The following MUC22 variants were observed in gnomAD, a reference collection of about 807,000 sequenced individuals.
MUC22 encodes the protein mucin-22.
A neutral mutation model predicts 40.3 loss-of-function variants in MUC22; 24 were observed. The ratio of observed to expected loss-of-function variants is 0.60; its 90% CI spans 0.43 to 0.84. The LOEUF (loss-of-function observed/expected upper bound fraction) is 0.84. Ranked by LOEUF, MUC22 falls within the 40% of genes least tolerant of loss-of-function variation. The probability of loss-of-function intolerance (pLI) is 0.00; values close to 1 mark genes in which losing one functional copy is unlikely to be tolerated. For missense variants in MUC22, 1,926 were observed against 2,130.7 expected (o/e 0.90, Z 1.89); for synonymous variants, 765 against 844.5 (o/e 0.91, Z 1.63).
At chr6:31,017,906 C>T (rs2150755027) in intron 1 of MUC22, among the ~76,000 whole-genome samples, 1 of 149,202 alleles carries the variant, frequency 6.7e-6, no homozygotes, top group Middle Eastern at 3.4e-3. Flanking sequence ...AATATTGCTG[C>T]TGCTCACTCT....
chr6:31,010,708 T>C (rs1381852050), exon 1 of MUC22: 2 of 702,620 alleles, frequency 2.8e-6, no homozygotes, highest in Admixed American at 2.0e-5. Context: ...CATTTAGAGA[T>C]GAGAAGAGGA....
chr6:31,032,010 C>T lies in MUC22; in HGVS notation c.4670-186C>T, dbSNP rs1004612311. ...TCTACCTCCTTCTCTGTATGACACCCACCTGCATTCTGGGGACATGGCCAC... is the reference window on the plus strand; with the variant it reads ...TCTACCTCCTTCTCTGTATGACACCTACCTGCATTCTGGGGACATGGCCAC... On this transcript the variant is annotated intron_variant, in intron 2 of 3. Transcript: ENST00000561890. The surrounding 1 kb of genome is among the most constrained non-coding windows in gnomAD (Gnocchi z 4.1). Among the ~76,000 whole-genome samples the T allele has an allele frequency of 6.6e-6, 1 of 152,180 alleles. No homozygotes were observed. The highest frequency in any genetic ancestry group is 2.4e-5 in the African/African-American group (1 of 41,444).
At chr6:31,034,565 G>A in intron 3 of MUC22, 107 bp from the exon 4 acceptor site, 1 of 872,806 alleles carries the variant, frequency 1.1e-6, no homozygotes, top group Non-Finnish European at 1.7e-6. Context: ...GAGAACATGG[G>A]CAGTTTGGAA....
At chr6:31,005,981 C>T (rs1476047405), upstream of MUC22, 109 of 204,276 alleles carry the variant, frequency 5.3e-4, 1 homozygote, top group Non-Finnish European at 1.0e-5. Flanking sequence ...GTGGCAGGCA[C>T]CTGTAGTCCC....
upstream of MUC22, among the ~76,000 whole-genome samples, chr6:31,010,269 C>A (rs1210035407): frequency 1.3e-5 from 2 of 152,138 alleles, no homozygotes; most frequent in African/African-American, 4.8e-5. Flanking sequence ...CATTCTGCCT[C>A]CCTCCCTGCC....
exon 4 of MUC22, chr6:31,034,878 C>A: frequency 6.5e-7 from 1 of 1,535,488 alleles, no homozygotes; most frequent in Non-Finnish European, 8.7e-7. Context: ...TGAGCCACAT[C>A]CATGGAGATG....
At chr6:31,025,571 C>T in exon 2 of MUC22, 1 of 1,526,180 alleles carries the variant, frequency 6.6e-7, no homozygotes, top group Non-Finnish European at 8.8e-7. Flanking sequence ...GGCTCTGAGA[C>T]CACCATGGCC....
exon 2 of MUC22, chr6:31,026,442 C>A (rs1196747551): frequency 6.6e-7 from 1 of 1,507,396 alleles, no homozygotes; most frequent in Non-Finnish European, 8.9e-7. Context: ...GCTCTGGGAC[C>A]ACCACAGCTT....
Position 31,032,300 on chromosome 6 carries a change from G to C in MUC22, c.4774G>C (p.Val1592Leu). The change falls in exon 3 of 4, where the codon GTC (valine) becomes CTC (leucine). Residue 1592 changes from valine (V) to leucine (L), a missense_variant. Physicochemically the swap from Val to Leu is conservative, Grantham distance 32. This residue lies in a region of MUC22 where 610 missense variants were observed against 714.6 expected (regional missense o/e 0.85). Coordinates refer to ENST00000561890, the Ensembl canonical transcript of MUC22. The surrounding 1 kb of genome is among the most constrained non-coding windows in gnomAD (Gnocchi z 4.1). ...TGCCAGCCATACTGTGCCAGGAATA[G>C]TCTTAAACACCTCTGGCCTGGGTAC... The C allele has an allele frequency of 8.5e-6, 13 of 1,535,630 alleles. No individual in the cohort carries two copies. Among genetic ancestry groups the C allele is most frequent in the Non-Finnish European group, 1.1e-5 (13 of 1,146,886 alleles).
At position 31,032,235 on chromosome 6, in the gene MUC22, C is replaced by G. The variant is rs143201933; in HGVS notation, c.4709C>G (p.Ser1570Cys). 5,418 of 1,535,612 alleles carry G rather than the reference C, an allele frequency of 3.5e-3. 18 individuals are homozygous for G. Among genetic ancestry groups the G allele is most frequent in the Non-Finnish European group, 4.4e-3 (5,095 of 1,146,844 alleles). ...GGAACCAGACTCACTGCCTCCAGCT[C>G]TGTCACCATGGCCCCTGGAATGGAC... The change falls in exon 3 of 4, where the codon TCT becomes TGT. Residue 1570 changes from serine to cysteine, a missense_variant. Transcript: ENST00000561890. The surrounding 1 kb of genome is among the most constrained non-coding windows in gnomAD (Gnocchi z 4.1).
At chr6:31,033,915 C>T (rs1049609656) in intron 3 of MUC22, among the ~76,000 whole-genome samples, 3 of 152,138 alleles carry the variant, frequency 2.0e-5, no homozygotes, top group African/African-American at 4.8e-5. Flanking sequence ...AGCCTCTCTC[C>T]GTATGTGGAC....
At chr6:31,034,564 G>T in intron 3 of MUC22, 108 bp from the exon 4 acceptor site, 1 of 860,834 alleles carries the variant, frequency 1.2e-6, no homozygotes, top group South Asian at 1.8e-5. Context: ...AGAGAACATG[G>T]GCAGTTTGGA....
chr6:31,009,505 T>G (rs543614090), upstream of MUC22, among the ~76,000 whole-genome samples: 28 of 152,360 alleles, frequency 1.8e-4, 1 homozygote, highest in South Asian at 5.0e-3. Context: ...ATTTTGACTT[T>G]AATCATCATC....
rs1289095492 is a variant in MUC22 at position 31,034,838 on chromosome 6, A to G, written c.5222A>G (p.His1741Arg). 3 of 1,535,552 alleles carry G rather than the reference A, an allele frequency of 2.0e-6. No individual in the cohort carries two copies. In the East Asian group the frequency reaches 7.3e-5, roughly 38 times the overall value. Residue 1741 changes from histidine (H) to arginine (R), a missense_variant, in exon 4 of 4, where the codon CAC becomes CGC. By Grantham distance (29) the His-to-Arg change is conservative. Transcript: ENST00000561890. ...CTTGAAATGGGACATGGAGGAACAC[A>G]CGGCTTTGGATATGGAGTGGGCCAT...
At chr6:31,026,571 T>A in exon 2 of MUC22, 1 of 1,496,502 alleles carries the variant, frequency 6.7e-7, no homozygotes, top group Non-Finnish European at 8.9e-7. Context: ...CCACAAACTC[T>A]ACTACAAGCT....
intron 3 of MUC22, among the ~76,000 whole-genome samples, chr6:31,033,529 C>T (rs1766230760): frequency 6.6e-6 from 1 of 152,190 alleles, no homozygotes. Flanking sequence ...ATTTTTCTTA[C>T]ATCGATTTCA....
At chr6:31,029,995 G>T (rs1276228347) in exon 2 of MUC22, 1 of 1,535,748 alleles carries the variant, frequency 6.5e-7, no homozygotes, top group South Asian at 1.2e-5. Context: ...CTCTATCACA[G>T]CTTCTGGGGC....
chr6:31,023,782 G>A (rs6903912), intron 1 of MUC22, among the ~76,000 whole-genome samples: 41,477 of 152,010 alleles, frequency 0.27, 6,066 homozygotes, highest in African/African-American at 0.38. Flanking sequence ...CATCAATTTA[G>A]AAAAAAATTG....
At chr6:31,028,806 C>A (rs988341302) in exon 2 of MUC22, 1 of 1,532,808 alleles carries the variant, frequency 6.5e-7, no homozygotes, top group Non-Finnish European at 8.7e-7. Context: ...GCTCTGAGAC[C>A]ACTACAGCCA....
Sources: gnomAD v4.1 joint callset for allele counts (sites outside exome capture counted in the v4.1 genomes callset) on GRCh38, gnomAD v4.1.1 for gene constraint, gnomAD v4.1.1 regional missense constraint, Gnocchi (gnomAD v3.1) non-coding constraint, MANE v1.5 for transcripts, NCBI Gene and HGNC (gene_info 2026-07-23, HGNC 2026-07-21) for gene names.